Variants in CCDC88C observed in about 807,000 individuals in gnomAD.
The protein encoded by CCDC88C is coiled-coil and HOOK domain protein 88C.
A neutral mutation model predicts 198.8 loss-of-function variants in CCDC88C; 131 were observed. That is an observed-to-expected ratio of 0.66 (90% confidence interval 0.57 to 0.76). The LOEUF is 0.76. CCDC88C is among the 30% of genes least tolerant of loss of function. The probability of loss-of-function intolerance (pLI) is 0.00; values close to 1 mark genes in which losing one functional copy is unlikely to be tolerated. For missense variants in CCDC88C, 2,553 were observed against 2,631.6 expected (o/e 0.97, Z 0.65); for synonymous variants, 1,166 against 1,114.7 (o/e 1.05, Z -0.92).
At chr14:91,296,075 G>A (rs571183503) in intron 22 of CCDC88C, among the ~76,000 whole-genome samples, 103 of 152,308 alleles carry the variant, frequency 6.8e-4, no homozygotes, top group African/African-American at 2.4e-3. Context: ...CACCTCTGCG[G>A]CTTAAGCCAC....
intron 4 of CCDC88C, among the ~76,000 whole-genome samples, chr14:91,345,717 G>C (rs1893514023): frequency 6.6e-6 from 1 of 152,016 alleles, no homozygotes; most frequent in South Asian, 2.1e-4. Flanking sequence ...TCGTCATTCT[G>C]AGCTGTGTCT....
At chr14:91,310,083 G>C in intron 15 of CCDC88C, 97 bp from the exon 16 acceptor site, 1 of 1,300,348 alleles carries the variant, frequency 7.7e-7, no homozygotes, top group Non-Finnish European at 1.0e-6. Flanking sequence ...CTGTCCTCCC[G>C]GGCCACGGCT....
chr14:91,272,888 T>C lies in CCDC88C; in HGVS notation c.5824A>G (p.Lys1942Glu). The C allele has an allele frequency of 6.3e-7, 1 of 1,587,744 alleles. No homozygotes were observed. The highest frequency in any genetic ancestry group is 8.5e-7 in the Non-Finnish European group (1 of 1,170,728). The change falls in exon 30 of 30, where the codon AAG (lysine) becomes GAG (glutamate). Residue 1942 changes from lysine to glutamate, a missense_variant. Transcript: ENST00000389857. ...ACCTCCCCTGAGCGTGGGGGCGCCTTGGGCTTGGTCCTGGCAGCCGGGGCT... is the reference window on the plus strand; with the variant it reads ...ACCTCCCCTGAGCGTGGGGGCGCCTCGGGCTTGGTCCTGGCAGCCGGGGCT... ...AAAPAARTKPKAPPRSGEVAT... is the reference protein window; with the variant it reads ...AAAPAARTKPEAPPRSGEVAT...
At chr14:91,285,827 C>T (rs772521813) in intron 25 of CCDC88C, 38 of 1,287,050 alleles carry the variant, frequency 3.0e-5, no homozygotes, top group East Asian at 5.6e-5. Context: ...ACTCTTTTTG[C>T]GCGGAGGTGC....
At chr14:91,295,020 G>A (rs1001983803) in intron 22 of CCDC88C, among the ~76,000 whole-genome samples, 1 of 152,166 alleles carries the variant, frequency 6.6e-6, no homozygotes, top group African/African-American at 2.4e-5. Context: ...CACAGGCTTT[G>A]GATTCCAATA....
Position 91,416,808 on chromosome 14 carries a change from T to C in CCDC88C, c.91A>G (p.Ser31Gly). 5.0e-6 allele frequency: 8 copies of C among 1,613,662 alleles called. No homozygotes were observed. Among genetic ancestry groups the C allele is most frequent in the Non-Finnish European group, 6.8e-6 (8 of 1,179,778 alleles). The change falls in exon 2 of 30, where the codon AGC becomes GGC. Residue 31 changes from serine to glycine, a missense_variant. Around this residue, in one of 2 missense-constraint regions of CCDC88C, gnomAD observed 1,260 missense variants for 1,412.0 expected, o/e 0.89. Transcript: ENST00000389857. ...ATGTACATAGTCAGGTTGTCCTGGC[T>C]GCCGCTTCCAAACGGGCCAAAAGTT... ...VKTFGPFGSGSQDNLTMYMDL... is the reference protein window; with the variant it reads ...VKTFGPFGSGGQDNLTMYMDL...
At chr14:91,395,019 T>A (rs1268117793) in intron 3 of CCDC88C, among the ~76,000 whole-genome samples, 1 of 151,908 alleles carries the variant, frequency 6.6e-6, no homozygotes, top group African/African-American at 2.4e-5. Context: ...GTAGAACCCC[T>A]CCTACAACCC....
intron 1 of CCDC88C, 118 bp from the exon 2 acceptor site, chr14:91,416,956 G>T: frequency 1.4e-6 from 1 of 712,724 alleles, no homozygotes; most frequent in Non-Finnish European, 2.5e-6. Context: ...GGTCACCCAC[G>T]CCCACACCAC....
chr14:91,360,673 C>T (rs911722704), intron 3 of CCDC88C, among the ~76,000 whole-genome samples: 3 of 152,274 alleles, frequency 2.0e-5, no homozygotes, highest in Middle Eastern at 3.4e-3. Flanking sequence ...CCCTCACACC[C>T]GTGGGCTTGG....
Position 91,338,579 on chromosome 14 carries a change from G to A in CCDC88C, c.810-9C>T. On this transcript the variant is annotated splice_polypyrimidine_tract_variant and intron_variant, in intron 8 of 29. Transcript: ENST00000389857. This position sits in a 1 kb window ranked among gnomAD's most constrained non-coding sequence, Gnocchi z 4.8. ...GCTCTGTCTTATCCTCCCTGCAGAG[G>A]CAGTAAGGAGAAAGAGTGTGGGAGG... 6.4e-7 allele frequency: 1 copy of A among 1,554,716 alleles called. No individual in the cohort carries two copies. The highest frequency in any genetic ancestry group is 1.7e-4 in the Middle Eastern group (1 of 5,992).
At chr14:91,355,454 CAG>C (rs1894002355) in intron 4 of CCDC88C, among the ~76,000 whole-genome samples, 1 of 152,138 alleles carries the variant, frequency 6.6e-6, no homozygotes, top group African/African-American at 2.4e-5. Flanking sequence ...CTCGGAGAAG[CAG>C]AGACTACAGC....
chr14:91,339,973 C>T lies in CCDC88C; in HGVS notation c.535G>A (p.Asp179Asn), dbSNP rs547680829. The part of the protein sequence containing the change: ...VFDLQWLELP[D>N]VAPEELEALS... ...GCCTCCAGCTCCTCCGGAGCCACGTCGGGCAGCTCCAGCCACTGCAGGTCA... is the reference window on the plus strand; with the variant it reads ...GCCTCCAGCTCCTCCGGAGCCACGTTGGGCAGCTCCAGCCACTGCAGGTCA... The change falls in exon 7 of 30, where the codon GAC (aspartate) becomes AAC (asparagine). Residue 179 changes from aspartate to asparagine, a missense_variant. Asp to Asn is a conservative substitution (Grantham distance 23). This residue lies in a region of CCDC88C where 1,260 missense variants were observed against 1,412.0 expected (regional missense o/e 0.89). Transcript: ENST00000389857. The surrounding 1 kb of genome is among the most constrained non-coding windows in gnomAD (Gnocchi z 5.8). The T allele has an allele frequency of 5.6e-6, 9 of 1,604,100 alleles. No individual in the cohort carries two copies. The African/African-American group carries it at 6.7e-5, about 12-fold the overall frequency.
chr14:91,343,240 G>A (rs552907806), intron 5 of CCDC88C, among the ~76,000 whole-genome samples: 1 of 152,294 alleles, frequency 6.6e-6, no homozygotes, highest in East Asian at 1.9e-4. Context: ...TTACAGGCAT[G>A]AGCCACTGCA....
chr14:91,309,550 A>G (rs1891716918), intron 16 of CCDC88C, among the ~76,000 whole-genome samples: 1 of 149,488 alleles, frequency 6.7e-6, no homozygotes, highest in South Asian at 2.1e-4. Context: ...GTGGACATGG[A>G]GGTAAGCCGA....
At position 91,309,858 on chromosome 14, in the gene CCDC88C, C is replaced by A; in HGVS notation, c.2864+1G>T. 1 of 1,609,192 alleles carries A rather than the reference C, an allele frequency of 6.2e-7. No individual in the cohort carries two copies. Among genetic ancestry groups the A allele is most frequent in the South Asian group, 1.1e-5 (1 of 90,758 alleles). On this transcript the variant is annotated splice_donor_variant, in intron 16 of 29. Coordinates refer to ENST00000389857, the MANE Select transcript of CCDC88C (RefSeq NM_001080414.4). LOFTEE classifies it high-confidence loss of function. ...TGGGGAGAGGGAGAAGAGGCCCTCA[C>A]GTGTCACTGCCGCTGTCGTCCTCCT...
At chr14:91,370,005 T>A (rs557433338) in intron 3 of CCDC88C, among the ~76,000 whole-genome samples, 2 of 152,202 alleles carry the variant, frequency 1.3e-5, no homozygotes, top group African/African-American at 4.8e-5. Flanking sequence ...GAAACAAACA[T>A]AAGTCGGTTC....
intron 3 of CCDC88C, among the ~76,000 whole-genome samples, chr14:91,378,248 A>G (rs114642905): frequency 0.017 from 2,529 of 152,244 alleles, 79 homozygotes; most frequent in African/African-American, 0.058. Flanking sequence ...TGAAGTGGGG[A>G]GGCCTGAGCT....
Position 91,338,819 on chromosome 14 carries a change from G to GGCAGGT in CCDC88C, c.810-255_810-250dup, listed in dbSNP as rs547901681. 227 of 528,260 alleles carry GGCAGGT rather than the reference G, an allele frequency of 4.3e-4. 2 individuals carry two copies. In the East Asian group the frequency reaches 6.9e-3, roughly 16 times the overall value. The allele number at this position is 528,260 out of a possible 1,614,324, so 32.7% of individuals were successfully genotyped here. A position where few individuals can be genotyped will look rare whatever the true frequency, so the allele number is the denominator to read the frequency against. ...CTCAGGTCTCCCTCCCTGTGTGTGG[G>GGCAGGT]GCAGGTAAGGAGACCCCAGCGGCAG... On this transcript the variant is annotated intron_variant, in intron 8 of 29. Coordinates refer to ENST00000389857, the MANE Select transcript of CCDC88C (RefSeq NM_001080414.4). This position sits in a 1 kb window ranked among gnomAD's most constrained non-coding sequence, Gnocchi z 4.8.
At chr14:91,357,852 G>A (rs1483910752) in intron 4 of CCDC88C, among the ~76,000 whole-genome samples, 2 of 152,156 alleles carry the variant, frequency 1.3e-5, no homozygotes, top group Admixed American at 6.5e-5. Context: ...AAATAAAGCC[G>A]GAACACACAT....
Sources: allele counts gnomAD v4.1 joint callset (sites outside exome capture counted in the v4.1 genomes callset), GRCh38; gene constraint gnomAD v4.1.1; regional missense constraint gnomAD v4.1.1; non-coding constraint Gnocchi (gnomAD v3.1); transcripts MANE v1.5; gene names NCBI Gene and HGNC (gene_info 2026-07-23, HGNC 2026-07-21).